UBE2W: variants seen among roughly 807,000 people sequenced by gnomAD.
UBE2W encodes ubiquitin-conjugating enzyme E2 W.
A neutral mutation model predicts 27.2 loss-of-function variants in UBE2W; 18 were observed. That is an observed-to-expected ratio of 0.66 (90% confidence interval 0.46 to 0.98). The LOEUF is 0.98. UBE2W is among the 50% of genes least tolerant of loss of function. UBE2W has a pLI of 0.00. For missense variants in UBE2W, 90 were observed against 180.2 expected, an observed-to-expected ratio of 0.50 and a Z score of 2.87; for synonymous variants, 53 against 57.2, an observed-to-expected ratio of 0.93 and a Z score of 0.33.
chr8:73,869,386 G>A (rs1008106105), intron 1 of UBE2W, among the ~76,000 whole-genome samples: 6 of 152,048 alleles, frequency 3.9e-5, no homozygotes, highest in Non-Finnish European at 5.9e-5. Context: ...GTTAAACCCC[G>A]TCTCTACAAA....
intron 1 of UBE2W, among the ~76,000 whole-genome samples, chr8:73,853,357 T>C (rs1012018645): frequency 3.9e-5 from 6 of 152,162 alleles, no homozygotes; most frequent in South Asian, 2.1e-4. Context: ...GGTACAATCA[T>C]AGCTCCCTGC....
intron 4 of UBE2W, among the ~76,000 whole-genome samples, chr8:73,809,263 A>G (rs1809051005): frequency 6.6e-6 from 1 of 152,186 alleles, no homozygotes; most frequent in East Asian, 1.9e-4. Flanking sequence ...TAAATAACCT[A>G]TCATTAAAAA....
At position 73,790,359 on chromosome 8, in the gene UBE2W, C is replaced by G. The variant is rs1306274143; in HGVS notation, c.*3743G>C. ...CCAGTTGGTGCAGATTAAAAGACACCTTCTTCACAGACCTCAATCATGCAC... is the reference window on the plus strand; with the variant it reads ...CCAGTTGGTGCAGATTAAAAGACACGTTCTTCACAGACCTCAATCATGCAC... On this transcript the variant is annotated 3_prime_UTR_variant, in exon 6 of 6. Transcript: ENST00000602593. 1 of 984,458 alleles carries G rather than the reference C, an allele frequency of 1.0e-6. No individual in the cohort carries two copies. The highest frequency in any genetic ancestry group is 1.1e-4 in the East Asian group (1 of 8,828). The allele number at this position is 984,458 out of a possible 1,614,324, so 61.0% of individuals were successfully genotyped here.
intron 4 of UBE2W, among the ~76,000 whole-genome samples, chr8:73,808,143 T>C (rs772397353): frequency 5.9e-5 from 9 of 152,236 alleles, no homozygotes; most frequent in Non-Finnish European, 1.3e-4. Context: ...GTAGTAGAAT[T>C]AACAAAGTAA....
At chr8:73,839,347 TAAAAA>T (rs34467910) in intron 1 of UBE2W, among the ~76,000 whole-genome samples, 2 of 131,712 alleles carry the variant, frequency 1.5e-5, no homozygotes, top group African/African-American at 2.7e-5. Flanking sequence ...TGCTCCTAGT[TAAAAA>T]AAAAAAAAAA....
intron 5 of UBE2W, among the ~76,000 whole-genome samples, chr8:73,798,348 G>A (rs1321424480): frequency 6.6e-6 from 1 of 152,038 alleles, no homozygotes; most frequent in South Asian, 2.1e-4. Context: ...TGTGTTTAAG[G>A]TATATGTGAA....
In UBE2W at chr8:73,790,326, G is replaced by A; in HGVS notation, c.*3776C>T. 1.0e-6 allele frequency: 1 copy of A among 985,398 alleles called. No homozygotes were observed. The highest frequency in any genetic ancestry group is 1.2e-6 in the Non-Finnish European group (1 of 829,938). 61.0% of individuals were successfully genotyped at this position (985,398 alleles called of 1,614,324 possible). A position where few individuals can be genotyped will look rare whatever the true frequency, so the allele number is the denominator to read the frequency against. On this transcript the variant is annotated 3_prime_UTR_variant, in exon 6 of 6. Coordinates refer to ENST00000602593, the MANE Select transcript of UBE2W (RefSeq NM_018299.6). ...ACAATTTAAAAAGGACTACAAAGAG[G>A]ATTGGGGCCAGTTGGTGCAGATTAA...
chr8:73,794,879 A>G (rs1808347594), intron 5 of UBE2W, among the ~76,000 whole-genome samples: 2 of 151,076 alleles, frequency 1.3e-5, no homozygotes, highest in South Asian at 2.1e-4. Flanking sequence ...AGAAAAAAAA[A>G]AAAAGAAAAT....
chr8:73,788,391 A>G lies in UBE2W; in HGVS notation c.*5711T>C. On this transcript the variant is annotated 3_prime_UTR_variant, in exon 6 of 6. Transcript: ENST00000602593. ...AATGCACACTCTGTAGTTCTGAATA[A>G]TAAAAGGAAAATGGCACCAACTAAA... 1 of 985,484 alleles carries G rather than the reference A, an allele frequency of 1.0e-6. No homozygotes were observed. The highest frequency in any genetic ancestry group is 4.7e-5 in the South Asian group (1 of 21,292). The allele number at this position is 985,484 out of a possible 1,614,324, so 61.0% of individuals were successfully genotyped here. A position where few individuals can be genotyped will look rare whatever the true frequency, so the allele number is the denominator to read the frequency against.
intron 5 of UBE2W, among the ~76,000 whole-genome samples, chr8:73,800,866 G>A (rs1808607376): frequency 1.3e-5 from 2 of 152,194 alleles, no homozygotes; most frequent in South Asian, 2.1e-4. Flanking sequence ...GGCCGAGGGG[G>A]CAGATCACCT....
intron 1 of UBE2W, among the ~76,000 whole-genome samples, chr8:73,869,260 T>TA (rs1250877921): frequency 6.6e-6 from 1 of 152,130 alleles, no homozygotes; most frequent in African/African-American, 2.4e-5. Context: ...TCTGTCTATA[T>TA]AAAAGCTTTT....
chr8:73,823,708 T>C (rs1809715412), intron 3 of UBE2W, among the ~76,000 whole-genome samples: 1 of 152,242 alleles, frequency 6.6e-6, no homozygotes, highest in Non-Finnish European at 1.5e-5. Context: ...CCTTTCACTT[T>C]AACTTTTATG....
At chr8:73,810,768 G>T in intron 3 of UBE2W, 139 bp from the exon 4 acceptor site, 1 of 577,734 alleles carries the variant, frequency 1.7e-6, no homozygotes, top group Non-Finnish European at 2.7e-6. Context: ...ATAAACAACT[G>T]CTTATTTGTT....
chr8:73,827,818 T>TA (rs1269439184), intron 2 of UBE2W, among the ~76,000 whole-genome samples: 2 of 152,168 alleles, frequency 1.3e-5, no homozygotes, highest in African/African-American at 4.8e-5. Flanking sequence ...GCATTGAGAT[T>TA]ACAGGCATGA....
intron 2 of UBE2W, among the ~76,000 whole-genome samples, chr8:73,830,168 A>T (rs1242656475): frequency 6.6e-6 from 1 of 151,420 alleles, no homozygotes; most frequent in African/African-American, 2.5e-5. Flanking sequence ...AAGATAGTTT[A>T]AAAACAGCTT....
downstream of UBE2W, chr8:73,786,092 T>C (rs984295370): frequency 1.3e-5 from 7 of 544,790 alleles, no homozygotes; most frequent in East Asian, 1.5e-4. Flanking sequence ...TTAAACTCTA[T>C]GTCAGGTTTA....
At chr8:73,786,196 C>T, downstream of UBE2W, 3 of 982,908 alleles carry the variant, frequency 3.1e-6, no homozygotes, top group Middle Eastern at 5.2e-4. Context: ...ATGAGAAACA[C>T]CTATAAAAAA....
At chr8:73,815,745 AAC>A (rs1809358281) in intron 3 of UBE2W, among the ~76,000 whole-genome samples, 1 of 152,254 alleles carries the variant, frequency 6.6e-6, no homozygotes, top group Admixed American at 6.5e-5. Context: ...GCTAGGTCAA[AAC>A]ACAGTGTATA....
At chr8:73,851,775 G>C (rs1437956883) in intron 1 of UBE2W, among the ~76,000 whole-genome samples, 1 of 151,986 alleles carries the variant, frequency 6.6e-6, no homozygotes, top group Admixed American at 6.6e-5. Context: ...TTGGTGACAA[G>C]TGGATGTGCA....
Sources: gnomAD v4.1 joint callset for allele counts (sites outside exome capture counted in the v4.1 genomes callset) on GRCh38, gnomAD v4.1.1 for gene constraint, MANE v1.5 for transcripts, NCBI Gene and HGNC (gene_info 2026-07-23, HGNC 2026-07-21) for gene names.